Variants in PFKP observed in about 807,000 individuals in gnomAD.
PFKP encodes the protein ATP-dependent 6-phosphofructokinase, platelet type.
PFKP carries 101 observed loss-of-function variants against 94.3 expected under a neutral mutation model. The observed-to-expected ratio is 1.07, with a 90% CI of 0.91 to 1.26. The LOEUF (loss-of-function observed/expected upper bound fraction) is 1.26, where lower values mean the gene tolerates loss of function less well. Ranked by LOEUF, PFKP falls within the 50% of genes most tolerant of loss-of-function variation. The probability of loss-of-function intolerance (pLI) is 0.00; values close to 1 mark genes in which losing one functional copy is unlikely to be tolerated. For missense variants in PFKP, 1,145 were observed against 1,103.3 expected (o/e 1.04, Z -0.53); for synonymous variants, 573 against 432.6 (o/e 1.32, Z -4.03).
In PFKP at chr10:3,130,920, G is replaced by A. The variant is rs1838503188; in HGVS notation, c.1848+937G>A. Among the ~76,000 whole-genome samples, 5 of 152,244 alleles carry A rather than the reference G, an allele frequency of 3.3e-5. No individual in the cohort carries two copies. The South Asian group carries it at 1.0e-3, about 32-fold the overall frequency. ...GAGCCAAATAGATCAAGTAAAAAGG[G>A]CCTTGGCACTAATTATGTGACATGT... On this transcript the variant is annotated intron_variant, in intron 17 of 21. Coordinates refer to ENST00000381125, the MANE Select transcript of PFKP (RefSeq NM_002627.5).
At chr10:3,129,465 G>A (rs1027370793) in intron 16 of PFKP, 8 of 227,896 alleles carry the variant, frequency 3.5e-5, no homozygotes, top group Non-Finnish European at 6.1e-5. Flanking sequence ...CGGTGAAAGC[G>A]GCTTCAGCAG....
At chr10:3,116,750 T>A (rs1554773638) in intron 13 of PFKP, 26 bp from the exon 14 acceptor site, 1 of 1,581,624 alleles carries the variant, frequency 6.3e-7, no homozygotes, top group Non-Finnish European at 8.7e-7. Context: ...TCACTTTAGC[T>A]GTTTCGTTCT....
chr10:3,104,933 G>A, intron 5 of PFKP, 182 bp from the exon 6 acceptor site: 1 of 680,200 alleles, frequency 1.5e-6, no homozygotes, highest in Non-Finnish European at 2.6e-6. Flanking sequence ...CTACTGCATA[G>A]CGTTTGCCTT....
chr10:3,119,838 C>T (rs1430099224), intron 15 of PFKP, 54 bp from the exon 16 acceptor site: 4 of 1,580,100 alleles, frequency 2.5e-6, no homozygotes, highest in Non-Finnish European at 3.5e-6. Context: ...CCCAGCGAGA[C>T]CCTCTCCTCC....
intron 9 of PFKP, 81 bp from the exon 10 acceptor site, chr10:3,109,274 G>A: frequency 1.9e-6 from 3 of 1,573,654 alleles, no homozygotes; most frequent in Non-Finnish European, 2.6e-6. Flanking sequence ...TGAGGTCATT[G>A]GACGTCATGG....
At chr10:3,104,808 G>A in intron 5 of PFKP, 2 of 465,318 alleles carry the variant, frequency 4.3e-6, no homozygotes, top group Non-Finnish European at 7.7e-6. Flanking sequence ...AAAGAGCCCA[G>A]CACGGGGCCG....
chr10:3,120,104 C>T (rs1564336178), intron 16 of PFKP, 60 bp downstream of exon 16: 1 of 1,421,788 alleles, frequency 7.0e-7, no homozygotes. Flanking sequence ...GGGGCCCCGG[C>T]CCTTTTTATC....
chr10:3,107,753 A>C (rs929158447), intron 8 of PFKP: 2 of 711,820 alleles, frequency 2.8e-6, no homozygotes, highest in African/African-American at 5.0e-5. Flanking sequence ...CATTCTTACA[A>C]AGCCACTGTG....
Position 3,104,092 on chromosome 10 carries a change from T to C in PFKP, c.620+148T>C, listed in dbSNP as rs183217010. The C allele has an allele frequency of 1.3e-3, 805 of 643,840 alleles. 16 individuals are homozygous for C. In the African/African-American group the frequency reaches 0.013, roughly 11 times the overall value. The allele number at this position is 643,840 out of a possible 1,614,324, so 39.9% of individuals were successfully genotyped here. Reference sequence around the variant, plus strand: ...ACTTTTAGGAGCTATTGCCAGAACATTGTTCTCTGGTCTACTTTTCATTTT... The same window carrying C: ...ACTTTTAGGAGCTATTGCCAGAACACTGTTCTCTGGTCTACTTTTCATTTT... On this transcript the variant is annotated intron_variant, in intron 5 of 21. Coordinates refer to ENST00000381125, the MANE Select transcript of PFKP (RefSeq NM_002627.5).
chr10:3,122,957 T>C (rs7896260), intron 16 of PFKP, among the ~76,000 whole-genome samples: 39,093 of 152,134 alleles, frequency 0.26, 5,062 homozygotes, highest in South Asian at 0.29. Context: ...TGGCTCAGGA[T>C]GTCGCCGTGT....
intron 19 of PFKP, among the ~76,000 whole-genome samples, chr10:3,134,016 C>T (rs1369366734): frequency 1.3e-5 from 2 of 152,174 alleles, no homozygotes; most frequent in Non-Finnish European, 2.9e-5. Flanking sequence ...TGAGCTGAGC[C>T]TGGGACACAG....
At chr10:3,076,941 A>G (rs745469746) in intron 1 of PFKP, among the ~76,000 whole-genome samples, 18 of 152,146 alleles carry the variant, frequency 1.2e-4, no homozygotes, top group Non-Finnish European at 2.1e-4. Context: ...CCACCTCCCC[A>G]TGCCTACATA....
intron 10 of PFKP, 40 bp downstream of exon 10, chr10:3,109,520 G>T (rs755274844): frequency 1.9e-6 from 3 of 1,590,994 alleles, no homozygotes; most frequent in Admixed American, 1.7e-5. Context: ...GGCGGAGACG[G>T]CTGGGACAGA....
chr10:3,075,981 G>A (rs1233292721), intron 1 of PFKP, among the ~76,000 whole-genome samples: 4 of 122,400 alleles, frequency 3.3e-5, no homozygotes, highest in Non-Finnish European at 6.3e-5. Context: ...ACTGCAGTCC[G>A]CAGTCCGGCC....
rs1419937824 is a variant in PFKP, at chr10:3,069,261, G to A, written c.112+1554G>A. ...CCAGTAAAAGGACCCCAGCATCAAC[G>A]TTCTTCCTGCAGGGCTGGGTTCTCA... On this transcript the variant is annotated intron_variant, in intron 1 of 21. Coordinates refer to ENST00000381125, the MANE Select transcript of PFKP (RefSeq NM_002627.5). The A allele has an allele frequency of 4.1e-6, 6 of 1,468,084 alleles. No homozygotes were observed. In the East Asian group the frequency reaches 1.1e-4, roughly 26 times the overall value. 90.9% of individuals were successfully genotyped at this position (1,468,084 alleles called of 1,614,324 possible).
rs11542778 is a variant in PFKP, at chr10:3,129,923, C to T, written c.1788C>T (p.Leu596=). 9,872 of 1,611,292 alleles carry T rather than the reference C, an allele frequency of 6.1e-3. 69 individuals carry two copies. The highest frequency in any genetic ancestry group is 0.035 in the Middle Eastern group (211 of 6,046). The change falls in exon 17 of 22, where the codon CTC becomes CTT. Residue 596 remains leucine, a synonymous_variant. Coordinates refer to ENST00000381125, the MANE Select transcript of PFKP (RefSeq NM_002627.5). The part of the protein sequence containing the change: ...YCGYLANMGG[L]AAGADAAYIF... ...GCTACCTGGCCAACATGGGGGGGCT[C>T]GCGGCCGGAGCTGATGCCGCATACA...
intron 16 of PFKP, among the ~76,000 whole-genome samples, chr10:3,126,527 T>A (rs1365551727): frequency 6.6e-6 from 1 of 152,226 alleles, no homozygotes; most frequent in Non-Finnish European, 1.5e-5. Flanking sequence ...TGTGCTTTGC[T>A]GCGGGTTCCA....
intron 2 of PFKP, among the ~76,000 whole-genome samples, chr10:3,084,787 G>A (rs1385054060): frequency 1.5e-5 from 1 of 64,576 alleles, no homozygotes; most frequent in East Asian, 3.8e-4. Flanking sequence ...CCCTCCCCAG[G>A]AGAGTCCTCC....
intron 13 of PFKP, among the ~76,000 whole-genome samples, chr10:3,114,664 G>C (rs1836611743): frequency 6.6e-6 from 1 of 152,220 alleles, no homozygotes; most frequent in Non-Finnish European, 1.5e-5. Flanking sequence ...GTGCTCCCAG[G>C]CTGCTGGTGG....
Sources: gnomAD v4.1 joint callset for allele counts (sites outside exome capture counted in the v4.1 genomes callset) on GRCh38, gnomAD v4.1.1 for gene constraint, MANE v1.5 for transcripts, NCBI Gene and HGNC (gene_info 2026-07-23, HGNC 2026-07-21) for gene names.